SCAPER: variants seen among roughly 807,000 people sequenced by gnomAD.
SCAPER encodes the protein S-phase cyclin A associated protein in the ER, also known as S phase cyclin A-associated protein in the endoplasmic reticulum.
In SCAPER, 98 loss-of-function variants were observed where a neutral mutation model predicts 182.2. That is an observed-to-expected ratio of 0.54 (90% confidence interval 0.46 to 0.64). SCAPER has a LOEUF of 0.64. Among genes scored for constraint, SCAPER ranks in the 30% least tolerant of loss-of-function variants. The probability of loss-of-function intolerance (pLI) is 0.00; values close to 1 mark genes in which losing one functional copy is unlikely to be tolerated. For synonymous variants in SCAPER, 605 were observed against 564.6 expected (o/e 1.07, Z -1.01); for missense variants, 1,432 against 1,690.0 (o/e 0.85, Z 2.68).
chr15:76,478,370 T>C (rs2050829880), intron 24 of SCAPER, among the ~76,000 whole-genome samples: 1 of 152,070 alleles, frequency 6.6e-6, no homozygotes, highest in South Asian at 2.1e-4. Flanking sequence ...ATTTTGCTTA[T>C]GTTATTTTAA....
chr15:76,719,787 G>A (rs2060098081), intron 17 of SCAPER, among the ~76,000 whole-genome samples: 1 of 151,770 alleles, frequency 6.6e-6, no homozygotes, highest in African/African-American at 2.4e-5. Context: ...GCATAAAGAT[G>A]AGGAAAAAAA....
At chr15:76,410,380 T>C (rs62028403) in intron 26 of SCAPER, among the ~76,000 whole-genome samples, 9,872 of 152,312 alleles carry the variant, frequency 0.065, 358 homozygotes, top group Middle Eastern at 0.11. Context: ...ACACATAATT[T>C]CTACATTACT....
intron 22 of SCAPER, among the ~76,000 whole-genome samples, chr15:76,615,053 C>T (rs74544557): frequency 6.6e-6 from 1 of 152,158 alleles, no homozygotes; most frequent in East Asian, 1.9e-4. Flanking sequence ...CAAAATATGC[C>T]AAAATCTAAT....
chr15:76,426,295 A>T (rs1435680872), intron 26 of SCAPER, among the ~76,000 whole-genome samples: 1 of 152,126 alleles, frequency 6.6e-6, no homozygotes, highest in Non-Finnish European at 1.5e-5. Flanking sequence ...TACCTACTCA[A>T]GCCTCAGCAA....
At chr15:76,589,849 C>A (rs2048973899) in intron 22 of SCAPER, among the ~76,000 whole-genome samples, 1 of 152,200 alleles carries the variant, frequency 6.6e-6, no homozygotes. Context: ...AGAGAGCCCA[C>A]AGGGTTTCTG....
intron 20 of SCAPER, among the ~76,000 whole-genome samples, chr15:76,677,286 T>G (rs1469009755): frequency 6.6e-6 from 1 of 152,100 alleles, no homozygotes; most frequent in African/African-American, 2.4e-5. Context: ...TGACCATATT[T>G]CATACTGTTA....
At chr15:76,476,360 G>A (rs1287182285) in intron 24 of SCAPER, among the ~76,000 whole-genome samples, 1 of 152,080 alleles carries the variant, frequency 6.6e-6, no homozygotes, top group Non-Finnish European at 1.5e-5. Context: ...TATTGTTTCA[G>A]GAGTCAATCT....
At chr15:76,667,625 C>CAAAAAAAAAAAAAAAAAA (rs775463270) in intron 20 of SCAPER, among the ~76,000 whole-genome samples, 8 of 27,474 alleles carry the variant, frequency 2.9e-4, no homozygotes, top group East Asian at 1.3e-3. Context: ...GACTCAGTCT[C>CAAAAAAAAAAAAAAAAAA]AAAAAAAAAA....
chr15:76,460,430 C>G, intron 25 of SCAPER, among the ~76,000 whole-genome samples: 1 of 152,098 alleles, frequency 6.6e-6, no homozygotes, highest in Non-Finnish European at 1.5e-5. Context: ...TTACTGAATT[C>G]ATTCATCAGA....
Position 76,366,050 on chromosome 15 carries a change from CTTAT to C in SCAPER, c.3855+10108_3855+10111del, listed in dbSNP as rs553396636. 2.8e-4 allele frequency among the ~76,000 whole-genome samples: 43 copies of C among 151,532 alleles called. 1 individual carries two copies. In the East Asian group the frequency reaches 6.2e-3, roughly 22 times the overall value. On this transcript the variant is annotated intron_variant, in intron 29 of 31. Coordinates refer to ENST00000563290, the MANE Select transcript of SCAPER (RefSeq NM_020843.4). ...TACCTATCCTGATTTTCTAATCTAG[CTTAT>C]TTAAGAAAAGAGAACTGATTACTTA...
intron 5 of SCAPER, among the ~76,000 whole-genome samples, chr15:76,830,705 T>C (rs561212775): frequency 2.4e-4 from 37 of 151,380 alleles, no homozygotes; most frequent in Non-Finnish European, 4.3e-4. Context: ...ATGAACTTTG[T>C]TTTACCGGTT....
At chr15:76,371,690 G>C (rs896450783) in intron 29 of SCAPER, among the ~76,000 whole-genome samples, 3 of 151,446 alleles carry the variant, frequency 2.0e-5, no homozygotes, top group African/African-American at 7.3e-5. Context: ...AGGCCGAGGT[G>C]GGTGGATCAC....
At chr15:76,520,214 TTTTTTG>T (rs963851148) in intron 23 of SCAPER, among the ~76,000 whole-genome samples, 3 of 152,150 alleles carry the variant, frequency 2.0e-5, no homozygotes, top group Admixed American at 6.6e-5. Context: ...TATCTTTTGT[TTTTTTG>T]TTTTTGTTTT....
At chr15:76,390,863 C>G (rs1019296653) in intron 27 of SCAPER, among the ~76,000 whole-genome samples, 10 of 152,190 alleles carry the variant, frequency 6.6e-5, no homozygotes, top group Non-Finnish European at 1.0e-4. Context: ...AAAAAACTGT[C>G]ATATCAGGTG....
At chr15:76,742,348 A>C (rs1378260625) in intron 15 of SCAPER, among the ~76,000 whole-genome samples, 2 of 145,364 alleles carry the variant, frequency 1.4e-5, no homozygotes, top group Non-Finnish European at 3.0e-5. Flanking sequence ...AATCTAGAGG[A>C]AGAAAGCAAA....
At chr15:76,809,669 A>G (rs753786677) in intron 5 of SCAPER, among the ~76,000 whole-genome samples, 9 of 152,176 alleles carry the variant, frequency 5.9e-5, no homozygotes, top group Non-Finnish European at 1.3e-4. Context: ...AAGAAGAGAA[A>G]GTGACAGAAG....
chr15:76,823,535 T>C (rs1206378284), intron 5 of SCAPER, among the ~76,000 whole-genome samples: 4 of 150,908 alleles, frequency 2.7e-5, no homozygotes, highest in African/African-American at 9.7e-5. Flanking sequence ...TAAACAAACA[T>C]ACATATACTT....
intron 24 of SCAPER, among the ~76,000 whole-genome samples, chr15:76,495,993 G>GACACACACAC (rs971206080): frequency 3.8e-4 from 22 of 58,504 alleles, no homozygotes; most frequent in Middle Eastern, 7.1e-3. Context: ...AAAAGAGAGA[G>GACACACACAC]ACACACACAC....
intron 4 of SCAPER, among the ~76,000 whole-genome samples, chr15:76,842,956 G>A (rs562189406): frequency 6.6e-6 from 1 of 152,080 alleles, no homozygotes; most frequent in Non-Finnish European, 1.5e-5. Flanking sequence ...ATTAACTTAG[G>A]AAGTTTCCTG....
Sources: gnomAD v4.1 joint callset for allele counts (sites outside exome capture counted in the v4.1 genomes callset) on GRCh38, gnomAD v4.1.1 for gene constraint, MANE v1.5 for transcripts, NCBI Gene and HGNC (gene_info 2026-07-23, HGNC 2026-07-21) for gene names.